The following CD164 variants were observed in gnomAD, a reference collection of about 807,000 sequenced individuals.
CD164 encodes the protein sialomucin core protein 24.
Under a neutral mutation model 24.6 loss-of-function variants are expected in CD164, and 11 were observed. The observed-to-expected ratio is 0.45, with a 90% confidence interval of 0.28 to 0.74. The LOEUF is 0.74. Ranked by LOEUF, CD164 falls within the 30% of genes least tolerant of loss-of-function variation. The pLI is 0.13. For missense variants in CD164, 295 were observed against 243.7 expected, an observed-to-expected ratio of 1.21 and a Z score of -1.40; for synonymous variants, 126 against 100.3, an observed-to-expected ratio of 1.26 and a Z score of -1.53.
chr6:109,369,016 A>G lies in CD164; in HGVS notation c.429T>C (p.Gly143=). The G allele has an allele frequency of 6.2e-7, 1 of 1,609,730 alleles. No homozygotes were observed. The highest frequency in any genetic ancestry group is 8.5e-7 in the Non-Finnish European group (1 of 1,178,538). The change falls in exon 6 of 6, where the codon GGT becomes GGC. Residue 143 remains glycine, a splice_region_variant and synonymous_variant. Coordinates refer to ENST00000310786, the MANE Select transcript of CD164 (RefSeq NM_006016.6). ...TTGGAGTCACAGTGTTATTTGTTGT[A>G]CCTGTTAGATAAGACAAAAGAAACA... The part of the protein sequence containing the change: ...STTSKTVTTS[G]TTNNTVTPTS...
At chr6:109,373,925 T>A (rs1316385422) in intron 4 of CD164, among the ~76,000 whole-genome samples, 1 of 152,208 alleles carries the variant, frequency 6.6e-6, no homozygotes, top group African/African-American at 2.4e-5. Context: ...AATAACTGGC[T>A]AGCAAAAGCT....
intron 4 of CD164, among the ~76,000 whole-genome samples, chr6:109,373,937 G>C (rs1771251328): frequency 6.6e-6 from 1 of 152,156 alleles, no homozygotes; most frequent in Admixed American, 6.5e-5. Flanking sequence ...GCAAAAGCTG[G>C]TCCAAGCCAG....
rs1771816011 is a variant in CD164 at position 109,382,292 on chromosome 6, C to G, written c.87G>C (p.Gln29His). The G allele has an allele frequency of 3.2e-6, 5 of 1,585,222 alleles. No individual in the cohort carries two copies. The highest frequency in any genetic ancestry group is 4.3e-6 in the Non-Finnish European group (5 of 1,168,704). The change falls in exon 1 of 6, where the codon CAG (glutamine) becomes CAC (histidine). Residue 29 changes from glutamine to histidine, a missense_variant. Transcript: ENST00000310786. ...CVLSADKNTT[Q>H]HPNVTTLAPI... ...GCGCTAAAGTCGTCACGTTCGGGTG[C>G]TGGGTCGTGTTCTTGTCCGCGGACA... is the stretch of plus-strand genomic sequence containing the variant.
In CD164 at chr6:109,368,236, C is replaced by A. The variant is rs941871644; in HGVS notation, c.*615G>T. On this transcript the variant is annotated 3_prime_UTR_variant, in exon 6 of 6. Transcript: ENST00000310786. ...ATTCTCAATGACATAAGATGCTTTA[C>A]AAGTATGAACAATAATCTGTTATAC... 64 of 1,497,344 alleles carry A rather than the reference C, an allele frequency of 4.3e-5. No individual in the cohort carries two copies. The highest frequency in any genetic ancestry group is 5.5e-5 in the Non-Finnish European group (61 of 1,114,592). The allele number at this position is 1,497,344 out of a possible 1,614,324, so 92.8% of individuals were successfully genotyped here. A position where few individuals can be genotyped will look rare whatever the true frequency, so the allele number is the denominator to read the frequency against.
intron 2 of CD164, 77 bp from the exon 3 acceptor site, chr6:109,378,048 C>G (rs1562242062): frequency 8.0e-7 from 1 of 1,247,312 alleles, no homozygotes; most frequent in East Asian, 2.3e-5. Flanking sequence ...CTACTAAGCT[C>G]TATGAAATCA....
rs897444930 is a variant in CD164 at position 109,366,811 on chromosome 6, C to A, written c.*2040G>T. 1 of 152,538 alleles carries A rather than the reference C, an allele frequency of 6.6e-6. No individual in the cohort carries two copies. Among genetic ancestry groups the A allele is most frequent in the African/African-American group, 2.4e-5 (1 of 41,448 alleles). The allele number at this position is 152,538 out of a possible 1,614,324, so 9.4% of individuals were successfully genotyped here. A position where few individuals can be genotyped will look rare whatever the true frequency, so the allele number is the denominator to read the frequency against. ...GAAAAAAGTAAAAAGGCTGTGAGTTCTGTTGCAAGAGCTCATTTGTAGACT... is the reference window on the plus strand; with the variant it reads ...GAAAAAAGTAAAAAGGCTGTGAGTTATGTTGCAAGAGCTCATTTGTAGACT... On this transcript the variant is annotated 3_prime_UTR_variant, in exon 6 of 6. Coordinates refer to ENST00000310786, the MANE Select transcript of CD164 (RefSeq NM_006016.6).
chr6:109,368,849 G>GT lies in CD164; in HGVS notation c.*1dup. 6.2e-7 allele frequency: 1 copy of GT among 1,611,854 alleles called. No individual in the cohort carries two copies. The highest frequency in any genetic ancestry group is 1.1e-5 in the South Asian group (1 of 90,876). ...CAGTCCTTATTAATTCAATGGGTCT[G>GT]TTTACAGAGTGTGGTAATTTCGTTC... On this transcript the variant is annotated 3_prime_UTR_variant, in exon 6 of 6. Transcript: ENST00000310786.
In CD164 at chr6:109,380,549, G is replaced by A. The variant is rs1347845919; in HGVS notation, c.176-887C>T. 5 of 152,326 alleles carry A rather than the reference G, an allele frequency of 3.3e-5. No homozygotes were observed. The South Asian group carries it at 6.2e-4, about 19-fold the overall frequency. 9.4% of individuals were successfully genotyped at this position (152,326 alleles called of 1,614,324 possible). The stretch of plus-strand genomic sequence containing the variant: ...CTTATTAAAGACTGGGACATGTACG[G>A]TGGGGTGGGGAAGGGTTCATAAAGT... On this transcript the variant is annotated intron_variant, in intron 1 of 5. Transcript: ENST00000310786.
At chr6:109,381,111 T>C (rs1224730566) in intron 1 of CD164, among the ~76,000 whole-genome samples, 1 of 152,248 alleles carries the variant, frequency 6.6e-6, no homozygotes, top group Admixed American at 6.5e-5. Context: ...TACGTAAACA[T>C]TACTCCTTAA....
chr6:109,380,243 GCATACAATT>G (rs1472972891), intron 1 of CD164: 1 of 152,192 alleles, frequency 6.6e-6, no homozygotes, highest in Non-Finnish European at 1.5e-5. Context: ...ATATTCAAGT[GCATACAATT>G]CAGGTTAACA....
rs1423421031 is a variant in CD164 at position 109,382,251 on chromosome 6, G to A, written c.128C>T (p.Thr43Ile). ...VTTLAPISNV[T>I]SAPVTSLPLV... The stretch of plus-strand genomic sequence containing the variant: ...CGGGAGGGACGTCACCGGCGCCGAG[G>A]TTACGTTGGAGATGGGCGCTAAAGT... The change falls in exon 1 of 6, where the codon ACC becomes ATC. Residue 43 changes from threonine (T) to isoleucine (I), a missense_variant. Physicochemically the swap from Thr to Ile is moderately conservative, Grantham distance 89 (BLOSUM62 -1). Coordinates refer to ENST00000310786, the MANE Select transcript of CD164 (RefSeq NM_006016.6). 1.3e-6 allele frequency: 2 copies of A among 1,588,774 alleles called. No homozygotes were observed. The highest frequency in any genetic ancestry group is 1.7e-6 in the Non-Finnish European group (2 of 1,170,394).
At chr6:109,378,382 G>C (rs1381845833) in intron 2 of CD164, among the ~76,000 whole-genome samples, 1 of 151,454 alleles carries the variant, frequency 6.6e-6, no homozygotes, top group Admixed American at 6.6e-5. Flanking sequence ...AGGAGTTCGA[G>C]ATCAGCCTGA....
rs546878149 is a variant in CD164, at chr6:109,368,261, C to T, written c.*590G>A. 3.9e-6 allele frequency: 6 copies of T among 1,534,724 alleles called. No homozygotes were observed. The highest frequency in any genetic ancestry group is 2.5e-5 in the East Asian group (1 of 40,368). On this transcript the variant is annotated 3_prime_UTR_variant, in exon 6 of 6. Transcript: ENST00000310786. ...CAAGTATGAACAATAATCTGTTATA[C>T]ACACTAATGGTATCCTTTCATTTCT...
rs1770917080 is a variant in CD164, at chr6:109,368,848, T to C, written c.*3A>G. ...CCAGTCCTTATTAATTCAATGGGTCTGTTTACAGAGTGTGGTAATTTCGTT... is the reference window on the plus strand; with the variant it reads ...CCAGTCCTTATTAATTCAATGGGTCCGTTTACAGAGTGTGGTAATTTCGTT... On this transcript the variant is annotated 3_prime_UTR_variant, in exon 6 of 6. Transcript: ENST00000310786. 1 of 1,608,336 alleles carries C rather than the reference T, an allele frequency of 6.2e-7. No individual in the cohort carries two copies.
At chr6:109,382,094 G>GGCCC in intron 1 of CD164, 110 bp downstream of exon 1, 2 of 991,892 alleles carry the variant, frequency 2.0e-6, no homozygotes, top group Non-Finnish European at 2.6e-6. Context: ...CCCCGAGCGC[G>GGCCC]GCCCGCCCGC....
At chr6:109,370,366 G>A (rs548817525) in intron 5 of CD164, 45 bp downstream of exon 5, 6 of 1,445,312 alleles carry the variant, frequency 4.2e-6, no homozygotes, top group East Asian at 2.3e-5. Flanking sequence ...GGGCAACATC[G>A]TGCACACATC....
At chr6:109,370,513 G>C in intron 4 of CD164, 46 bp from the exon 5 acceptor site, 4 of 1,505,324 alleles carry the variant, frequency 2.7e-6, no homozygotes, top group Non-Finnish European at 3.7e-6. Flanking sequence ...TAAATTTCTA[G>C]CTTCCCAGTT....
intron 1 of CD164, chr6:109,379,893 A>T (rs1771639765): frequency 2.4e-6 from 1 of 412,764 alleles, no homozygotes; most frequent in African/African-American, 2.1e-5. Flanking sequence ...ACAGTGCCTG[A>T]TGGTATCTGT....
intron 2 of CD164, among the ~76,000 whole-genome samples, chr6:109,378,948 T>TA (rs1771579507): frequency 6.6e-6 from 1 of 152,032 alleles, no homozygotes; most frequent in Non-Finnish European, 1.5e-5. Context: ...CACTTTACAT[T>TA]AAAAAACAAT....
Sources: gnomAD v4.1 joint callset for allele counts (sites outside exome capture counted in the v4.1 genomes callset) on GRCh38, gnomAD v4.1.1 for gene constraint, MANE v1.5 for transcripts, NCBI Gene and HGNC (gene_info 2026-07-23, HGNC 2026-07-21) for gene names.